PDE1C: variants seen among roughly 807,000 people sequenced by gnomAD.
PDE1C encodes phosphodiesterase 1C, also known as dual specificity calcium/calmodulin-dependent 3',5'-cyclic nucleotide phosphodiesterase 1C.
A neutral mutation model predicts 93.1 loss-of-function variants in PDE1C; 62 were observed. The observed-to-expected ratio is 0.67, with a 90% CI of 0.54 to 0.82. The LOEUF (loss-of-function observed/expected upper bound fraction) is 0.82. Among genes scored for constraint, PDE1C ranks in the 40% least tolerant of loss-of-function variants. The pLI, the probability that PDE1C is intolerant of heterozygous loss-of-function variation, is 0.00. For missense variants in PDE1C, 742 were observed against 884.6 expected (o/e 0.84, Z 2.04); for synonymous variants, 325 against 310.1 (o/e 1.05, Z -0.50).
chr7:31,803,457 G>A (rs1786347711), intron 16 of PDE1C, among the ~76,000 whole-genome samples: 1 of 151,658 alleles, frequency 6.6e-6, no homozygotes. Flanking sequence ...ACAACGTGCA[G>A]GTTTGTTACA....
chr7:31,883,413 A>G (rs1015233510), intron 2 of PDE1C, among the ~76,000 whole-genome samples: 14 of 152,234 alleles, frequency 9.2e-5, no homozygotes, highest in Non-Finnish European at 1.9e-4. Context: ...TTCTGGAAAG[A>G]AGAGACAGAT....
the PDE1C span, among the ~76,000 whole-genome samples, chr7:31,625,725 ACC>A: frequency 1.3e-5 from 2 of 152,174 alleles, no homozygotes; most frequent in African/African-American, 2.4e-5. Flanking sequence ...ATACATATGT[ACC>A]TAACCTGCAC....
intron 1 of PDE1C, among the ~76,000 whole-genome samples, chr7:32,256,958 C>A (rs1296648251): frequency 2.6e-5 from 4 of 152,162 alleles, no homozygotes; most frequent in Non-Finnish European, 1.5e-5. Flanking sequence ...TGAGGTTGAT[C>A]CCGGGGAAGC....
chr7:32,239,188 G>A (rs1204967626), intron 1 of PDE1C, among the ~76,000 whole-genome samples: 1 of 152,150 alleles, frequency 6.6e-6, no homozygotes, highest in Non-Finnish European at 1.5e-5. Flanking sequence ...TCATGATTGT[G>A]CCACTGCACT....
intron 2 of PDE1C, among the ~76,000 whole-genome samples, chr7:32,171,205 A>C (rs1463360485): frequency 1.3e-5 from 2 of 152,156 alleles, no homozygotes; most frequent in African/African-American, 4.8e-5. Flanking sequence ...TACCATACCT[A>C]AACAGTAATA....
rs551660766 is a variant in PDE1C, at chr7:32,027,607, T to TAAAAAAA, written c.128+23940_128+23946dup. ...AAAAAAAAAAAACTATCAAAAATGG[T>TAAAAAAA]AAAAAAAAAAAAAAAAAAAAAAAAA... On this transcript the variant is annotated intron_variant, in intron 2 of 17. Transcript: ENST00000396191. Among the ~76,000 whole-genome samples, 62 of 78,428 alleles carry TAAAAAAA rather than the reference T, an allele frequency of 7.9e-4. 1 individual carries two copies. The highest frequency in any genetic ancestry group is 1.1e-3 in the Admixed American group (7 of 6,544). 51.5% of individuals were successfully genotyped at this position (78,428 alleles called of 152,430 possible).
chr7:31,866,656 T>C (rs897633086), intron 6 of PDE1C, among the ~76,000 whole-genome samples: 4 of 151,944 alleles, frequency 2.6e-5, no homozygotes, highest in African/African-American at 9.7e-5. Context: ...AGAACCAAAA[T>C]AGCAAGTAGA....
At chr7:32,068,595 C>A (rs577067597) in intron 1 of PDE1C, among the ~76,000 whole-genome samples, 1 of 151,856 alleles carries the variant, frequency 6.6e-6, no homozygotes, top group East Asian at 1.9e-4. Flanking sequence ...CACTGCAACA[C>A]CTTGGAGAGA....
intron 3 of PDE1C, among the ~76,000 whole-genome samples, chr7:32,118,983 C>G (rs1359722624): frequency 2.0e-5 from 3 of 152,148 alleles, no homozygotes; most frequent in Non-Finnish European, 4.4e-5. Context: ...GAGGCAGTAT[C>G]AAGCCAGATA....
At chr7:31,741,353 C>A in the PDE1C span, among the ~76,000 whole-genome samples, 2 of 152,096 alleles carry the variant, frequency 1.3e-5, no homozygotes, top group Non-Finnish European at 1.5e-5. Flanking sequence ...CAGCTTCAAT[C>A]CTTTACCATA....
At chr7:31,976,559 T>C (rs1447664371) in intron 2 of PDE1C, among the ~76,000 whole-genome samples, 1 of 152,166 alleles carries the variant, frequency 6.6e-6, no homozygotes, top group Non-Finnish European at 1.5e-5. Flanking sequence ...TAGTACTTTT[T>C]CCTCTTGCTA....
chr7:31,769,542 T>C (rs1358865466), intron 17 of PDE1C, among the ~76,000 whole-genome samples: 1 of 152,230 alleles, frequency 6.6e-6, no homozygotes, highest in Non-Finnish European at 1.5e-5. Flanking sequence ...CCTGCTAAAA[T>C]TTCTGAGAGA....
rs151161099 is a variant in PDE1C, at chr7:32,221,623, A to G, written c.86-12084T>C. ...CTCAGTGCTAAAGGACATAACCCGCATTGAAAAGGAAAAGCCAAGTACATG... is the reference window on the plus strand; with the variant it reads ...CTCAGTGCTAAAGGACATAACCCGCGTTGAAAAGGAAAAGCCAAGTACATG... On this transcript the variant is annotated intron_variant, in intron 1 of 18. Transcript: ENST00000396193. 1.6e-3 allele frequency among the ~76,000 whole-genome samples: 247 copies of G among 152,336 alleles called. 1 individual carries two copies. The highest frequency in any genetic ancestry group is 0.011 in the East Asian group (56 of 5,182).
intron 2 of PDE1C, among the ~76,000 whole-genome samples, chr7:32,006,706 G>A (rs1428556070): frequency 1.3e-5 from 2 of 152,200 alleles, no homozygotes; most frequent in Non-Finnish European, 2.9e-5. Context: ...AGGCAAGCTG[G>A]GTATGGAAGA....
At chr7:32,390,237 G>A (rs935016219) in intron 1 of PDE1C, among the ~76,000 whole-genome samples, 1 of 152,040 alleles carries the variant, frequency 6.6e-6, no homozygotes, top group South Asian at 2.1e-4. Flanking sequence ...CTATATTTGA[G>A]AAAATTTCTA....
At chr7:31,975,214 G>C (rs1811496756) in intron 2 of PDE1C, among the ~76,000 whole-genome samples, 1 of 152,156 alleles carries the variant, frequency 6.6e-6, no homozygotes, top group Non-Finnish European at 1.5e-5. Context: ...AACACCAAAT[G>C]GGGGGTTCAA....
chr7:31,925,972 T>TC (rs1375923752), intron 2 of PDE1C, among the ~76,000 whole-genome samples: 1 of 152,142 alleles, frequency 6.6e-6, no homozygotes, highest in Non-Finnish European at 1.5e-5. Context: ...TCCCTTTCTC[T>TC]TCCTGCCCAC....
At position 32,372,798 on chromosome 7, in the gene PDE1C, G is replaced by A. The variant is rs926802206; in HGVS notation, c.310+55024C>T. On this transcript the variant is annotated intron_variant, in intron 1 of 1. Transcript: ENST00000672256. ...AAGTAGCCCAATTAAAAATGAGCAA[G>A]TAATCTGAATAGACATTTCTTCAAA... Among the ~76,000 whole-genome samples the A allele has an allele frequency of 2.0e-5, 3 of 152,142 alleles. No individual in the cohort carries two copies. In the East Asian group the frequency reaches 5.8e-4, roughly 29 times the overall value.
intron 3 of PDE1C, among the ~76,000 whole-genome samples, chr7:32,143,748 C>G (rs1318476537): frequency 6.6e-6 from 1 of 151,992 alleles, no homozygotes; most frequent in African/African-American, 2.4e-5. Context: ...TCCTCTTTTT[C>G]TGCCAAATTT....
Sources: allele counts gnomAD v4.1 joint callset (sites outside exome capture counted in the v4.1 genomes callset), GRCh38; gene constraint gnomAD v4.1.1; transcripts MANE v1.5; gene names NCBI Gene and HGNC (gene_info 2026-07-23, HGNC 2026-07-21).